Variants in ADAM33 observed in about 807,000 individuals in gnomAD.
The protein encoded by ADAM33 is ADAM metallopeptidase domain 33.
A neutral mutation model predicts 106.2 loss-of-function variants in ADAM33; 103 were observed. That is an observed-to-expected ratio of 0.97 (90% CI 0.83 to 1.14). The LOEUF is 1.14. Ranked by LOEUF, ADAM33 falls within the 50% of genes most tolerant of loss-of-function variation. The pLI, the probability that ADAM33 is intolerant of heterozygous loss-of-function variation, is 0.00. For missense variants in ADAM33, 1,120 were observed against 1,096.6 expected (o/e 1.02, Z -0.30); for synonymous variants, 483 against 453.0 (o/e 1.07, Z -0.84).
chr20:3,669,494 G>A, intron 20 of ADAM33, 52 bp downstream of exon 20: 5 of 1,545,682 alleles, frequency 3.2e-6, no homozygotes, highest in South Asian at 2.4e-5. Flanking sequence ...CAGGAGGCAT[G>A]AGCCCTTCCC....
intron 2 of ADAM33, 44 bp downstream of exon 2, chr20:3,679,448 G>A: frequency 6.4e-7 from 1 of 1,562,146 alleles, no homozygotes; most frequent in South Asian, 1.2e-5. Context: ...AAAGGGCTGG[G>A]AGGTTCAGGG....
intron 19 of ADAM33, chr20:3,669,856 C>T: frequency 1.5e-6 from 1 of 654,732 alleles, no homozygotes; most frequent in South Asian, 1.7e-5. Context: ...CGGCTGGCAC[C>T]TCCTCTCTCT....
intron 2 of ADAM33, among the ~76,000 whole-genome samples, chr20:3,678,996 C>G (rs1276058922): frequency 2.6e-5 from 4 of 152,108 alleles, no homozygotes; most frequent in Admixed American, 1.3e-4. Context: ...ACCACTGCCC[C>G]CCCGATACCA....
intron 19 of ADAM33, 98 bp from the exon 20 acceptor site, chr20:3,669,735 T>C: frequency 8.8e-7 from 1 of 1,137,686 alleles, no homozygotes; most frequent in Middle Eastern, 1.9e-4. Context: ...AGTTCTGCGT[T>C]TACTGAGTTT....
In ADAM33 at chr20:3,669,569, G is replaced by A; in HGVS notation, c.2309C>T (p.Ala770Val). The A allele has an allele frequency of 6.3e-7, 1 of 1,599,116 alleles. No individual in the cohort carries two copies. Among genetic ancestry groups the A allele is most frequent in the Non-Finnish European group, 8.5e-7 (1 of 1,173,856 alleles). ...GVHPMELGPT[A>V]TGQPWPLDPE... ...ACCCAGGGGCCAGGGCTGTCCAGTG[G>A]CTGTGGGGCCCAACTCCATGGGGTG... is the stretch of plus-strand genomic sequence containing the variant. The change falls in exon 20 of 22, where the codon GCC becomes GTC. Residue 770 changes from alanine (A) to valine (V), a missense_variant. Ala to Val is a moderately conservative substitution (Grantham distance 64). Transcript: ENST00000356518.
Position 3,678,967 on chromosome 20 carries a change from G to T in ADAM33, c.177+525C>A, listed in dbSNP as rs1006335123. On this transcript the variant is annotated intron_variant, in intron 2 of 21. Coordinates refer to ENST00000356518, the MANE Select transcript of ADAM33 (RefSeq NM_025220.5). ...AAGCACATGGGGTGGTCTTACATCT[G>T]GGGGACATCAGGAGAGTGACCACTG... 5.9e-5 allele frequency among the ~76,000 whole-genome samples: 9 copies of T among 152,160 alleles called. No individual in the cohort carries two copies. In the East Asian group the frequency reaches 1.7e-3, roughly 29 times the overall value.
intron 1 of ADAM33, among the ~76,000 whole-genome samples, chr20:3,680,249 C>T (rs2088366648): frequency 9.6e-6 from 1 of 104,376 alleles, no homozygotes; most frequent in African/African-American, 4.2e-5. Context: ...CCCTGGAATG[C>T]TCCCAGCCCT....
rs776070426 is a variant in ADAM33, at chr20:3,671,014, C to T, written c.2232G>A (p.Ala744=). Residue 744 remains alanine, a synonymous_variant, in exon 19 of 22, where the codon GCG becomes GCA. Coordinates refer to ENST00000356518, the MANE Select transcript of ADAM33 (RefSeq NM_025220.5). ...AGGCGCTCGGAGCCTACCCACTGCA[C>T]GCAGGGTCCCTTCTGCAGCCCCAGC... ...RCSWGCRRDP[A]CSGPKDGPHR... 54 of 1,548,868 alleles carry T rather than the reference C, an allele frequency of 3.5e-5. No homozygotes were observed. The highest frequency in any genetic ancestry group is 2.2e-4 in the Middle Eastern group (1 of 4,522).
chr20:3,676,371 C>G (rs1052364100), intron 3 of ADAM33, among the ~76,000 whole-genome samples: 16 of 152,134 alleles, frequency 1.1e-4, no homozygotes, highest in Non-Finnish European at 2.1e-4. Flanking sequence ...AGACAAACTG[C>G]TGCCCCCAAG....
intron 1 of ADAM33, among the ~76,000 whole-genome samples, chr20:3,681,676 C>T (rs920033282): frequency 1.5e-4 from 23 of 152,124 alleles, no homozygotes; most frequent in Admixed American, 5.9e-4. Flanking sequence ...GAGTGGCAGC[C>T]GGGCAGTGTG....
Position 3,671,297 on chromosome 20 carries a change from GTGGAGCCCAGCC to G in ADAM33, c.2020_2031del (p.Gly674_Pro677del). Reference sequence around the variant, plus strand: ...CCAAAGCCTGGCTTGTCACAGAAGGGTGGAGCCCAGCCTGGAGCACAGTGGCAGTTATGGTTG... The same window carrying G: ...CCAAAGCCTGGCTTGTCACAGAAGGGTGGAGCACAGTGGCAGTTATGGTTG... On this transcript the variant is annotated inframe_deletion, in exon 18 of 22. Transcript: ENST00000356518. The G allele has an allele frequency of 6.2e-7, 1 of 1,613,842 alleles. No individual in the cohort carries two copies. The highest frequency in any genetic ancestry group is 8.5e-7 in the Non-Finnish European group (1 of 1,179,990).
At chr20:3,674,923 G>T in intron 4 of ADAM33, 74 bp from the exon 5 acceptor site, 1 of 1,609,050 alleles carries the variant, frequency 6.2e-7, no homozygotes, top group Non-Finnish European at 8.5e-7. Context: ...GGTGTGGTAG[G>T]GGCTGGCTCC....
intron 1 of ADAM33, among the ~76,000 whole-genome samples, chr20:3,681,374 G>A (rs368459426): frequency 6.6e-6 from 1 of 152,176 alleles, no homozygotes; most frequent in Non-Finnish European, 1.5e-5. Context: ...CATACACACT[G>A]CCCTGCTGCC....
Position 3,669,047 on chromosome 20 carries a change from G to A in ADAM33, c.2405-47C>T, listed in dbSNP as rs760772020. The stretch of plus-strand genomic sequence containing the variant: ...TGTCCCCTAAGGACTGGGGCCCCAG[G>A]CTGCAAGCTGTGTGGCAGAGAGCCC... On this transcript the variant is annotated intron_variant, in intron 21 of 21. Transcript: ENST00000356518. 8 of 1,602,434 alleles carry A rather than the reference G, an allele frequency of 5.0e-6. No individual in the cohort carries two copies. The Middle Eastern group carries it at 5.1e-4, about 101-fold the overall frequency.
At chr20:3,673,220 C>T in intron 11 of ADAM33, 134 bp downstream of exon 11, 1 of 1,532,882 alleles carries the variant, frequency 6.5e-7, no homozygotes, top group Non-Finnish European at 8.7e-7. Flanking sequence ...CCTCATAAAC[C>T]ACCCTGAAGC....
intron 2 of ADAM33, 28 bp downstream of exon 2, chr20:3,679,464 G>A: frequency 2.5e-6 from 4 of 1,586,958 alleles, no homozygotes; most frequent in Non-Finnish European, 1.7e-6. Flanking sequence ...CAGGGCCCCT[G>A]TGGAGGGCGG....
Position 3,673,208 on chromosome 20 carries a change from A to C in ADAM33, c.1133+146T>G, listed in dbSNP as rs532984716. The C allele has an allele frequency of 2.4e-5, 37 of 1,531,792 alleles. No individual in the cohort carries two copies. The South Asian group carries it at 4.3e-4, about 18-fold the overall frequency. 94.9% of individuals were successfully genotyped at this position (1,531,792 alleles called of 1,614,324 possible). A position where few individuals can be genotyped will look rare whatever the true frequency, so the allele number is the denominator to read the frequency against. On this transcript the variant is annotated intron_variant, in intron 11 of 21. Coordinates refer to ENST00000356518, the MANE Select transcript of ADAM33 (RefSeq NM_025220.5). ...ACTTTGCCTGAGCTTCTTCCCTTTAAGCCTCATAAACCACCCTGAAGCGGA... is the reference window on the plus strand; with the variant it reads ...ACTTTGCCTGAGCTTCTTCCCTTTACGCCTCATAAACCACCCTGAAGCGGA...
At position 3,675,028 on chromosome 20, in the gene ADAM33, G is replaced by T. The variant is rs146682885; in HGVS notation, c.332C>A (p.Thr111Lys). The T allele has an allele frequency of 1.4e-5, 23 of 1,613,402 alleles. No individual in the cohort carries two copies. The African/African-American group carries it at 3.1e-4, about 21-fold the overall frequency. The change falls in exon 4 of 22, where the codon ACG becomes AAG. Residue 111 changes from threonine to lysine, a missense_variant and splice_region_variant. Physicochemically the swap from Thr to Lys is moderately conservative, Grantham distance 78. Transcript: ENST00000356518. The surrounding 1 kb of genome is among the most constrained non-coding windows in gnomAD (Gnocchi z 4.1). ...GQPVVLAPNH[T>K]DHCHYQGRVR... Reference sequence around the variant, plus strand: ...CCAGAGCCCATGGAAGCATCTCACCGTGTGGTTGGGGGCCAGCACCACTGG... The same window carrying T: ...CCAGAGCCCATGGAAGCATCTCACCTTGTGGTTGGGGGCCAGCACCACTGG...
At position 3,671,977 on chromosome 20, in the gene ADAM33, G is replaced by A. The variant is rs1490751967; in HGVS notation, c.1606C>T (p.Pro536Ser). 1 of 1,555,458 alleles carries A rather than the reference G, an allele frequency of 6.4e-7. No homozygotes were observed. The highest frequency in any genetic ancestry group is 8.7e-7 in the Non-Finnish European group (1 of 1,149,372). The part of the protein sequence containing the change: ...CQQLWGPGSH[P>S]APEACFQVVN... ...ACCTGGAAACAGGCCTCGGGAGCTG[G>A]GTGGGAGCCTGAGGAAGCATGGGCC... is the stretch of plus-strand genomic sequence containing the variant. Residue 536 changes from proline (P) to serine (S), a missense_variant, in exon 15 of 22, where the codon CCA (proline) becomes TCA (serine). By Grantham distance (74) the Pro-to-Ser change is moderately conservative. Coordinates refer to ENST00000356518, the MANE Select transcript of ADAM33 (RefSeq NM_025220.5).
Sources: gnomAD v4.1 joint callset for allele counts (sites outside exome capture counted in the v4.1 genomes callset) on GRCh38, gnomAD v4.1.1 for gene constraint, Gnocchi (gnomAD v3.1) non-coding constraint, MANE v1.5 for transcripts, NCBI Gene and HGNC (gene_info 2026-07-23, HGNC 2026-07-21) for gene names.